GNA12: variants seen among roughly 807,000 people sequenced by gnomAD.
GNA12 encodes the protein G protein subunit alpha 12, also known as guanine nucleotide-binding protein subunit alpha-12.
In GNA12, 9 loss-of-function variants were observed where a neutral mutation model predicts 26.0. The ratio of observed to expected loss-of-function variants is 0.35; its 90% CI spans 0.21 to 0.60. GNA12 has a LOEUF of 0.60. Among genes scored for constraint, GNA12 ranks in the 20% least tolerant of loss-of-function variants. GNA12 has a pLI of 0.78. For missense variants in GNA12, 405 were observed against 525.8 expected (o/e 0.77, Z 2.25); for synonymous variants, 264 against 219.6 (o/e 1.20, Z -1.79).
chr7:2,778,495 A>G (rs185769836), intron 2 of GNA12, among the ~76,000 whole-genome samples: 227 of 152,324 alleles, frequency 1.5e-3, no homozygotes, highest in African/African-American at 5.2e-3. Context: ...CCCTACTTAC[A>G]TAGAGCTGGA....
In GNA12 at chr7:2,728,239, C is replaced by G. The variant is rs1789709327; in HGVS notation, c.*2942G>C. ...TTACACCATGAACAACTGACCCGGA[C>G]CACTACCATTCCAATGGGAGCCTCT... is the stretch of plus-strand genomic sequence containing the variant. On this transcript the variant is annotated 3_prime_UTR_variant, in exon 4 of 4. Transcript: ENST00000275364. 1 of 152,332 alleles carries G rather than the reference C, an allele frequency of 6.6e-6. No homozygotes were observed. The highest frequency in any genetic ancestry group is 1.5e-5 in the Non-Finnish European group (1 of 68,046). 9.4% of individuals were successfully genotyped at this position (152,332 alleles called of 1,614,324 possible).
chr7:2,830,177 T>C (rs1793569868), intron 1 of GNA12, among the ~76,000 whole-genome samples: 1 of 152,330 alleles, frequency 6.6e-6, no homozygotes, highest in South Asian at 2.1e-4. Flanking sequence ...CAATGGCTCT[T>C]TCTTGCCTCA....
At chr7:2,760,329 T>C (rs543828774) in intron 2 of GNA12, 4 of 152,442 alleles carry the variant, frequency 2.6e-5, no homozygotes, top group East Asian at 3.9e-4. Flanking sequence ...CTCGACTCAA[T>C]AGAATGCCTT....
At chr7:2,802,430 A>G (rs1792834026) in intron 1 of GNA12, among the ~76,000 whole-genome samples, 1 of 151,224 alleles carries the variant, frequency 6.6e-6, no homozygotes, top group Non-Finnish European at 1.5e-5. Context: ...TTGCTGGATG[A>G]AGACCAAAAA....
At chr7:2,772,487 G>C (rs1048030784) in intron 2 of GNA12, among the ~76,000 whole-genome samples, 1 of 151,904 alleles carries the variant, frequency 6.6e-6, no homozygotes, top group East Asian at 1.9e-4. Context: ...GTGAACCCAG[G>C]AGGCGGAGCT....
chr7:2,825,555 T>C (rs1482548313), intron 1 of GNA12, among the ~76,000 whole-genome samples: 1 of 152,214 alleles, frequency 6.6e-6, no homozygotes, highest in Non-Finnish European at 1.5e-5. Context: ...AAGGGAGCTA[T>C]CTCAGAGAGG....
chr7:2,774,115 A>G (rs1333765479), intron 2 of GNA12, among the ~76,000 whole-genome samples: 1 of 152,134 alleles, frequency 6.6e-6, no homozygotes, highest in Non-Finnish European at 1.5e-5. Flanking sequence ...GGAGAGCAGA[A>G]GGTGGTGTGA....
intron 1 of GNA12, among the ~76,000 whole-genome samples, chr7:2,796,968 G>C (rs1792692206): frequency 6.6e-6 from 1 of 152,168 alleles, no homozygotes; most frequent in Non-Finnish European, 1.5e-5. Flanking sequence ...TCTCTGGTAT[G>C]GTCTACACTG....
At chr7:2,758,851 A>G (rs570412429) in intron 2 of GNA12, among the ~76,000 whole-genome samples, 1 of 152,344 alleles carries the variant, frequency 6.6e-6, no homozygotes, top group Non-Finnish European at 1.5e-5. Flanking sequence ...ATGTATCAAC[A>G]TGATGGGTCT....
At chr7:2,735,845 T>A (rs1435874166) in intron 2 of GNA12, among the ~76,000 whole-genome samples, 1 of 152,098 alleles carries the variant, frequency 6.6e-6, no homozygotes, top group Non-Finnish European at 1.5e-5. Context: ...GCCACTGAAC[T>A]GTAAGGTGCC....
At chr7:2,825,723 G>T (rs1383245258) in intron 1 of GNA12, among the ~76,000 whole-genome samples, 2 of 152,160 alleles carry the variant, frequency 1.3e-5, no homozygotes, top group African/African-American at 4.8e-5. Context: ...TTTGCGTCCA[G>T]GACACTGAAA....
chr7:2,758,119 C>T (rs1791389060), intron 2 of GNA12, among the ~76,000 whole-genome samples: 1 of 152,088 alleles, frequency 6.6e-6, no homozygotes, highest in African/African-American at 2.4e-5. Context: ...ATGGAAAGCC[C>T]CTCTATTTTT....
intron 2 of GNA12, among the ~76,000 whole-genome samples, chr7:2,757,975 G>A (rs1791383790): frequency 6.6e-6 from 1 of 152,164 alleles, no homozygotes; most frequent in South Asian, 2.1e-4. Flanking sequence ...CCCTGCAAAT[G>A]TAGCTGCCTG....
At chr7:2,800,552 G>A (rs1792784020) in intron 1 of GNA12, among the ~76,000 whole-genome samples, 1 of 152,220 alleles carries the variant, frequency 6.6e-6, no homozygotes, top group African/African-American at 2.4e-5. Context: ...GCAACCTCCT[G>A]TGAACCTATA....
At chr7:2,817,137 G>A (rs985776103) in intron 1 of GNA12, among the ~76,000 whole-genome samples, 4 of 152,110 alleles carry the variant, frequency 2.6e-5, no homozygotes, top group Admixed American at 6.5e-5. Flanking sequence ...ACAGAGTCTC[G>A]CTCTATTGCC....
rs546644598 is a variant in GNA12, at chr7:2,736,670, G to A, written c.526-3169C>T. Among the ~76,000 whole-genome samples the A allele has an allele frequency of 2.0e-5, 3 of 152,364 alleles. No homozygotes were observed. The South Asian group carries it at 6.2e-4, about 32-fold the overall frequency. On this transcript the variant is annotated intron_variant, in intron 2 of 3. Coordinates refer to ENST00000275364, the MANE Select transcript of GNA12 (RefSeq NM_007353.3). ...ACGCCCATGAGGAGACCGCCTTTCT[G>A]CAGAGGCCTGCAGCCTTCAGCAGTT...
At chr7:2,745,417 C>G (rs1191401338) in intron 2 of GNA12, among the ~76,000 whole-genome samples, 1 of 152,168 alleles carries the variant, frequency 6.6e-6, no homozygotes, top group Non-Finnish European at 1.5e-5. Flanking sequence ...TCCAGCCAAA[C>G]TAAGCTTCAT....
intron 2 of GNA12, among the ~76,000 whole-genome samples, chr7:2,787,900 A>G (rs575606424): frequency 6.6e-5 from 10 of 152,362 alleles, no homozygotes; most frequent in Non-Finnish European, 1.0e-4. Context: ...CACGCCTGGA[A>G]TCCCAGAGCT....
chr7:2,738,002 C>T (rs1305547104), intron 2 of GNA12, among the ~76,000 whole-genome samples: 3 of 152,020 alleles, frequency 2.0e-5, no homozygotes, highest in African/African-American at 7.3e-5. Flanking sequence ...TAAATGATAC[C>T]ACAGCTGTGA....
Sources: allele counts gnomAD v4.1 joint callset (sites outside exome capture counted in the v4.1 genomes callset), GRCh38; gene constraint gnomAD v4.1.1; transcripts MANE v1.5; gene names NCBI Gene and HGNC (gene_info 2026-07-23, HGNC 2026-07-21).